The following BEND7 variants were observed in gnomAD, a reference collection of about 807,000 sequenced individuals.
The protein encoded by BEND7 is BEN domain containing 7, also known as BEN domain-containing protein 7.
A neutral mutation model predicts 50.9 loss-of-function variants in BEND7; 28 were observed. The observed-to-expected ratio is 0.55, with a 90% confidence interval of 0.41 to 0.75. The LOEUF (loss-of-function observed/expected upper bound fraction) is 0.75. Ranked by LOEUF, BEND7 falls within the 30% of genes least tolerant of loss-of-function variation. The probability of loss-of-function intolerance (pLI) is 0.00; values close to 1 mark genes in which losing one functional copy is unlikely to be tolerated. For missense variants in BEND7, 477 were observed against 491.3 expected (o/e 0.97, Z 0.28); for synonymous variants, 170 against 183.9 (o/e 0.92, Z 0.61).
At chr10:13,522,017 TG>T (rs2079110356) in intron 2 of BEND7, among the ~76,000 whole-genome samples, 1 of 152,210 alleles carries the variant, frequency 6.6e-6, no homozygotes. Flanking sequence ...CCTGCTCAGC[TG>T]GCATGGCTGC....
At chr10:13,438,741 G>A (rs1835028033), downstream of BEND7, 1 of 162,228 alleles carries the variant, frequency 6.2e-6, no homozygotes, top group Non-Finnish European at 1.3e-5. Flanking sequence ...CACTGAGGGG[G>A]CGGTATTAGG....
In BEND7 at chr10:13,499,885, C is replaced by T. The variant is rs1230958225; in HGVS notation, c.341G>A (p.Arg114His). ...GGGCGGTAGCTCATTCCACACACCA[C>T]GTGAAGACGGGTGGAGGCTTTGCGG... The part of the protein sequence containing the change: ...EAPQSLHPSS[R>H]GVWNELPPQS... Residue 114 changes from arginine to histidine, a missense_variant, in exon 3 of 9, where the codon CGT becomes CAT. Physicochemically the swap from Arg to His is conservative, Grantham distance 29. Transcript: ENST00000466271. 1.9e-6 allele frequency: 3 copies of T among 1,614,152 alleles called. No homozygotes were observed. The highest frequency in any genetic ancestry group is 2.2e-5 in the East Asian group (1 of 44,864).
At chr10:13,457,362 C>T (rs1839213908) in intron 6 of BEND7, among the ~76,000 whole-genome samples, 1 of 152,180 alleles carries the variant, frequency 6.6e-6, no homozygotes, top group Admixed American at 6.5e-5. Context: ...CTCTCAGTCA[C>T]TAAAAGGGCA....
chr10:13,504,029 T>A (rs1460466795), intron 2 of BEND7, among the ~76,000 whole-genome samples: 1 of 152,162 alleles, frequency 6.6e-6, no homozygotes, highest in African/African-American at 2.4e-5. Context: ...AGTGACAGGC[T>A]TTGGCAGACA....
chr10:13,477,281 A>G (rs1300427722), intron 6 of BEND7, among the ~76,000 whole-genome samples: 1 of 152,222 alleles, frequency 6.6e-6, no homozygotes, highest in East Asian at 1.9e-4. Flanking sequence ...GACTTTTCAA[A>G]TTAATACACT....
intron 2 of BEND7, among the ~76,000 whole-genome samples, chr10:13,523,280 C>T (rs1257895265): frequency 6.6e-6 from 1 of 152,184 alleles, no homozygotes; most frequent in Non-Finnish European, 1.5e-5. Flanking sequence ...GTCTTCTGAC[C>T]CTATTATCCA....
chr10:13,482,425 C>T (rs189736661), intron 5 of BEND7, among the ~76,000 whole-genome samples: 1 of 152,330 alleles, frequency 6.6e-6, no homozygotes, highest in East Asian at 1.9e-4. Context: ...GCAAAACTGG[C>T]CCTGCTTTGC....
intron 6 of BEND7, among the ~76,000 whole-genome samples, chr10:13,478,553 G>GATACCACATTCACATTTGA (rs1480065124): frequency 6.6e-6 from 1 of 151,870 alleles, no homozygotes; most frequent in Non-Finnish European, 1.5e-5. Context: ...AGTCAAATCT[G>GATACCACATTCACATTTGA]ATACCACATT....
chr10:13,461,024 G>A (rs1325974418), intron 6 of BEND7, among the ~76,000 whole-genome samples: 2 of 152,160 alleles, frequency 1.3e-5, no homozygotes, highest in Non-Finnish European at 2.9e-5. Context: ...TACACACGCC[G>A]AGCACCAGGT....
At chr10:13,508,247 A>C (rs913497227) in intron 2 of BEND7, among the ~76,000 whole-genome samples, 1 of 152,226 alleles carries the variant, frequency 6.6e-6, no homozygotes, top group African/African-American at 2.4e-5. Context: ...GGGACACACA[A>C]GACTGGGAGT....
intron 6 of BEND7, among the ~76,000 whole-genome samples, chr10:13,463,882 A>C (rs923527797): frequency 2.6e-5 from 4 of 152,232 alleles, no homozygotes; most frequent in African/African-American, 9.6e-5. Flanking sequence ...GAAAAACAGG[A>C]AAAGGATGGA....
chr10:13,515,432 A>G (rs781034252), intron 2 of BEND7, among the ~76,000 whole-genome samples: 1 of 152,258 alleles, frequency 6.6e-6, no homozygotes, highest in African/African-American at 2.4e-5. Context: ...TGGAATCTGA[A>G]TAACAGTATA....
intron 5 of BEND7, among the ~76,000 whole-genome samples, chr10:13,483,394 T>C (rs1176286141): frequency 6.6e-6 from 1 of 152,216 alleles, no homozygotes; most frequent in African/African-American, 2.4e-5. Flanking sequence ...AGCTGGGAGT[T>C]TGCATTTGTC....
At position 13,449,651 on chromosome 10, in the gene BEND7, T is replaced by C. The variant is rs753330629; in HGVS notation, c.1184-2335A>G. ...CAACTTTCTTTACATGTATAATTGC[T>C]TTTCATTTAGTTATAACAAGATCAG... is the stretch of plus-strand genomic sequence containing the variant. On this transcript the variant is annotated intron_variant, in intron 7 of 8. Transcript: ENST00000466271. 5.0e-4 allele frequency among the ~76,000 whole-genome samples: 76 copies of C among 152,208 alleles called. 2 individuals are homozygous for C. Among genetic ancestry groups the C allele is most frequent in the Non-Finnish European group, 1.5e-4 (10 of 68,038 alleles).
chr10:13,500,692 C>A, intron 2 of BEND7: 2 of 985,578 alleles, frequency 2.0e-6, no homozygotes, highest in Non-Finnish European at 2.4e-6. Context: ...TCAGAGAGGA[C>A]GGCCGAGGAG....
intron 4 of BEND7, among the ~76,000 whole-genome samples, chr10:13,495,690 G>A (rs763784561): frequency 3.9e-5 from 6 of 152,200 alleles, no homozygotes; most frequent in Non-Finnish European, 8.8e-5. Flanking sequence ...TTTTCAGAAA[G>A]TAGCTCACAT....
intron 3 of BEND7, 177 bp from the exon 4 acceptor site, chr10:13,497,065 G>A: frequency 5.2e-6 from 4 of 764,184 alleles, no homozygotes; most frequent in Non-Finnish European, 7.8e-6. Context: ...TAAATCTGGG[G>A]GTCTGACTTT....
At chr10:13,521,679 T>C (rs2079087354) in intron 2 of BEND7, among the ~76,000 whole-genome samples, 1 of 152,134 alleles carries the variant, frequency 6.6e-6, no homozygotes, top group Admixed American at 6.5e-5. Context: ...AGGTTGCAAC[T>C]CCTGCCCCAG....
At chr10:13,481,160 G>GATGCTTC (rs2075826861) in intron 5 of BEND7, 36 bp from the exon 6 acceptor site, 2 of 1,602,702 alleles carry the variant, frequency 1.2e-6, no homozygotes, top group African/African-American at 2.7e-5. Context: ...TTAAAAGCAA[G>GATGCTTC]ATTTGAAGCA....
Sources: allele counts gnomAD v4.1 joint callset (sites outside exome capture counted in the v4.1 genomes callset), GRCh38; gene constraint gnomAD v4.1.1; transcripts MANE v1.5; gene names NCBI Gene and HGNC (gene_info 2026-07-23, HGNC 2026-07-21).